The following PIEZO2 variants were observed in gnomAD, a reference collection of about 807,000 sequenced individuals.
PIEZO2 encodes the protein piezo type mechanosensitive ion channel component 2.
In PIEZO2, 172 loss-of-function variants were observed where a neutral mutation model predicts 337.3. The ratio of observed to expected loss-of-function variants is 0.51; its 90% CI spans 0.45 to 0.58. The LOEUF (loss-of-function observed/expected upper bound fraction) is 0.58, where lower values mean the gene tolerates loss of function less well. Among genes scored for constraint, PIEZO2 ranks in the 20% least tolerant of loss-of-function variants. The pLI is 0.00. For synonymous variants in PIEZO2, 1,251 were observed against 1,228.5 expected, an observed-to-expected ratio of 1.02 and a Z score of -0.38; for missense variants, 3,028 against 3,391.3, an observed-to-expected ratio of 0.89 and a Z score of 2.66.
intron 55 of PIEZO2, 37 bp from the exon 56 acceptor site, chr18:10,671,816 T>G: frequency 6.7e-7 from 1 of 1,484,798 alleles, no homozygotes; most frequent in Non-Finnish European, 9.0e-7. Context: ...CATACAGCAG[T>G]TAAATATAGT....
In PIEZO2 at chr18:11,131,807, G is replaced by A. The variant is rs2040348077; in HGVS notation, c.64+16718C>T. Reference sequence around the variant, plus strand: ...TATCCCATGTGAGTGCTCACCAATGGGTGACCTCAGTGGAGGAGGAGTTTA... The same window carrying A: ...TATCCCATGTGAGTGCTCACCAATGAGTGACCTCAGTGGAGGAGGAGTTTA... On this transcript the variant is annotated intron_variant, in intron 1 of 55. Transcript: ENST00000674853. The surrounding 1 kb of genome is among the most constrained non-coding windows in gnomAD (Gnocchi z 5.3). Among the ~76,000 whole-genome samples, 1 of 152,166 alleles carries A rather than the reference G, an allele frequency of 6.6e-6. No individual in the cohort carries two copies. The highest frequency in any genetic ancestry group is 2.4e-5 in the African/African-American group (1 of 41,438).
rs36104181 is a variant in PIEZO2, at chr18:10,813,988, G to A, written c.918-6714C>T. On this transcript the variant is annotated intron_variant, in intron 7 of 55. Coordinates refer to ENST00000674853, the MANE Select transcript of PIEZO2 (RefSeq NM_001378183.1). This position sits in a 1 kb window ranked among gnomAD's most constrained non-coding sequence, Gnocchi z 4.2. ...CACCATATATTTTTTTTTTTTTTGA[G>A]ATGGAGTTTTGCTCTGTGGCCCAGG... 6.7e-6 allele frequency among the ~76,000 whole-genome samples: 1 copy of A among 149,186 alleles called. No homozygotes were observed. The highest frequency in any genetic ancestry group is 1.5e-5 in the Non-Finnish European group (1 of 67,420).
chr18:10,720,523 T>C (rs1164923130), intron 36 of PIEZO2, among the ~76,000 whole-genome samples: 2 of 141,852 alleles, frequency 1.4e-5, no homozygotes, highest in Non-Finnish European at 3.0e-5. Context: ...AATGGTGTGA[T>C]CATAGCTCAC....
At chr18:10,963,590 G>A (rs907432738) in intron 3 of PIEZO2, among the ~76,000 whole-genome samples, 1 of 152,202 alleles carries the variant, frequency 6.6e-6, no homozygotes, top group East Asian at 1.9e-4. Flanking sequence ...ATAGATGGCA[G>A]TACTTTTCCT....
At position 10,876,048 on chromosome 18, in the gene PIEZO2, A is replaced by G. The variant is rs1199335152; in HGVS notation, c.330-4633T>C. Among the ~76,000 whole-genome samples the G allele has an allele frequency of 5.3e-5, 8 of 152,356 alleles. No homozygotes were observed. In the East Asian group the frequency reaches 7.7e-4, roughly 15 times the overall value. Reference sequence around the variant, plus strand: ...TCATAATACTGCCATTGCAGAAACAATGATACTTTTGAAAAGTATGCACAA... The same window carrying G: ...TCATAATACTGCCATTGCAGAAACAGTGATACTTTTGAAAAGTATGCACAA... On this transcript the variant is annotated intron_variant, in intron 4 of 55. Coordinates refer to ENST00000674853, the MANE Select transcript of PIEZO2 (RefSeq NM_001378183.1).
chr18:10,929,683 T>C lies in PIEZO2; in HGVS notation c.287-18455A>G, dbSNP rs902206795. Among the ~76,000 whole-genome samples, 3 of 152,214 alleles carry C rather than the reference T, an allele frequency of 2.0e-5. No homozygotes were observed. Among genetic ancestry groups the C allele is most frequent in the Non-Finnish European group, 4.4e-5 (3 of 68,038 alleles). Reference sequence around the variant, plus strand: ...TAACTTAGTCTTTTACAGTGTTTAATGGAGTTTGATACAATAGAGCAGATG... The same window carrying C: ...TAACTTAGTCTTTTACAGTGTTTAACGGAGTTTGATACAATAGAGCAGATG... On this transcript the variant is annotated intron_variant, in intron 3 of 55. Coordinates refer to ENST00000674853, the MANE Select transcript of PIEZO2 (RefSeq NM_001378183.1). The surrounding 1 kb of genome is among the most constrained non-coding windows in gnomAD (Gnocchi z 5.6).
chr18:10,958,672 A>G (rs984127671), intron 3 of PIEZO2, among the ~76,000 whole-genome samples: 3 of 152,196 alleles, frequency 2.0e-5, no homozygotes, highest in African/African-American at 7.2e-5. Flanking sequence ...TTATTTCTCA[A>G]TTAAAAATAA....
chr18:11,090,839 G>C (rs1238062194), intron 1 of PIEZO2, among the ~76,000 whole-genome samples: 2 of 151,510 alleles, frequency 1.3e-5, no homozygotes, highest in African/African-American at 2.4e-5. Flanking sequence ...TGTGAACCCG[G>C]GGGGGCAAAG....
rs192822802 is a variant in PIEZO2, at chr18:10,761,476, C to T, written c.3250-365G>A. Among the ~76,000 whole-genome samples the T allele has an allele frequency of 3.3e-4, 50 of 152,266 alleles. No homozygotes were observed. In the East Asian group the frequency reaches 7.5e-3, roughly 23 times the overall value. ...AAAACAGTACAGAGACATCCTGGGA[C>T]GCACTGAGCTAAATGAACGGGAAGC... On this transcript the variant is annotated intron_variant, in intron 23 of 55. Transcript: ENST00000674853.
chr18:11,122,892 T>C (rs2040068682), intron 1 of PIEZO2, among the ~76,000 whole-genome samples: 1 of 151,130 alleles, frequency 6.6e-6, no homozygotes, highest in African/African-American at 2.4e-5. Flanking sequence ...ATATGTATAA[T>C]ATATCTTTAT....
intron 4 of PIEZO2, among the ~76,000 whole-genome samples, chr18:10,902,173 G>A (rs1263092659): frequency 6.6e-6 from 1 of 152,184 alleles, no homozygotes; most frequent in Non-Finnish European, 1.5e-5. Flanking sequence ...GATCTGAGGT[G>A]GAACAGTTTC....
intron 2 of PIEZO2, among the ~76,000 whole-genome samples, chr18:11,062,988 T>C (rs2038022141): frequency 6.6e-6 from 1 of 152,048 alleles, no homozygotes; most frequent in African/African-American, 2.4e-5. Context: ...TTATTCACAA[T>C]AGCAAAGACT....
chr18:11,028,321 C>T lies in PIEZO2; in HGVS notation c.160+37806G>A, dbSNP rs915630852. ...TGTTGCCCATGCTGGAGTGCAATGG[C>T]GTGATCTCGGCTCATTGCAACCTCT... On this transcript the variant is annotated intron_variant, in intron 2 of 55. Transcript: ENST00000674853. This position sits in a 1 kb window ranked among gnomAD's most constrained non-coding sequence, Gnocchi z 4.8. 4.0e-5 allele frequency among the ~76,000 whole-genome samples: 6 copies of T among 151,704 alleles called. No individual in the cohort carries two copies. The East Asian group carries it at 5.8e-4, about 15-fold the overall frequency.
At chr18:10,974,024 A>C (rs1568256246) in intron 3 of PIEZO2, among the ~76,000 whole-genome samples, 2 of 152,146 alleles carry the variant, frequency 1.3e-5, no homozygotes, top group African/African-American at 4.8e-5. Flanking sequence ...CATGGGGTGA[A>C]GTTTACAGCT....
In PIEZO2 at chr18:10,692,008, A is replaced by C. The variant is rs181803935; in HGVS notation, c.7191-625T>G. ...CTCAAGACATCAGTGTCTTTATTTG[A>C]TAATTCTTCCTAGTTCTGCAAATCT... On this transcript the variant is annotated intron_variant, in intron 47 of 55. Transcript: ENST00000674853. Among the ~76,000 whole-genome samples, 8 of 151,882 alleles carry C rather than the reference A, an allele frequency of 5.3e-5. No homozygotes were observed. The East Asian group carries it at 1.6e-3, about 29-fold the overall frequency.
intron 3 of PIEZO2, among the ~76,000 whole-genome samples, chr18:10,918,568 A>T (rs918820516): frequency 1.3e-5 from 2 of 151,332 alleles, no homozygotes; most frequent in East Asian, 3.9e-4. Flanking sequence ...CACTATCAAC[A>T]TATGTTCAAT....
chr18:10,795,313 A>T lies in PIEZO2; in HGVS notation c.1528-311T>A, dbSNP rs1176329722. Among the ~76,000 whole-genome samples the T allele has an allele frequency of 2.1e-5, 1 of 48,772 alleles. No homozygotes were observed. The highest frequency in any genetic ancestry group is 5.1e-5 in the Non-Finnish European group (1 of 19,680). 32.0% of individuals were successfully genotyped at this position (48,772 alleles called of 152,430 possible). A position where few individuals can be genotyped will look rare whatever the true frequency, so the allele number is the denominator to read the frequency against. ...AGTTAAGTAGCAAAATGTGTATTCAAATATTTTATTTTATTTTATTTTATT... is the reference window on the plus strand; with the variant it reads ...AGTTAAGTAGCAAAATGTGTATTCATATATTTTATTTTATTTTATTTTATT... On this transcript the variant is annotated intron_variant, in intron 12 of 55. Transcript: ENST00000674853. The surrounding 1 kb of genome is among the most constrained non-coding windows in gnomAD (Gnocchi z 4.4).
chr18:11,044,874 T>C (rs1246246807), intron 2 of PIEZO2, among the ~76,000 whole-genome samples: 7 of 152,138 alleles, frequency 4.6e-5, no homozygotes, highest in African/African-American at 1.7e-4. Flanking sequence ...ATTGGCTGGG[T>C]GCAGTGGCTC....
intron 1 of PIEZO2, among the ~76,000 whole-genome samples, chr18:11,108,398 G>A (rs1307554467): frequency 1.3e-5 from 2 of 151,920 alleles, no homozygotes; most frequent in African/African-American, 4.8e-5. Context: ...GGCAGATCAC[G>A]AGGTCAGGAG....
Sources: gnomAD v4.1 joint callset for allele counts (sites outside exome capture counted in the v4.1 genomes callset) on GRCh38, gnomAD v4.1.1 for gene constraint, Gnocchi (gnomAD v3.1) non-coding constraint, MANE v1.5 for transcripts, NCBI Gene and HGNC (gene_info 2026-07-23, HGNC 2026-07-21) for gene names.